The following CHN1 variants were observed in gnomAD, a reference collection of about 807,000 sequenced individuals.
CHN1 encodes the protein chimerin 1.
A neutral mutation model predicts 59.5 loss-of-function variants in CHN1; 37 were observed. The ratio of observed to expected loss-of-function variants is 0.62; its 90% CI spans 0.48 to 0.82. CHN1 has a LOEUF of 0.82. Ranked by LOEUF, CHN1 falls within the 40% of genes least tolerant of loss-of-function variation. The pLI, the probability that CHN1 is intolerant of heterozygous loss-of-function variation, is 0.00. For synonymous variants in CHN1, 206 were observed against 200.4 expected, an observed-to-expected ratio of 1.03 and a Z score of -0.24; for missense variants, 469 against 571.0, an observed-to-expected ratio of 0.82 and a Z score of 1.82.
chr2:174,820,479 C>G (rs1246545410), intron 8 of CHN1, among the ~76,000 whole-genome samples: 1 of 152,196 alleles, frequency 6.6e-6, no homozygotes, highest in Non-Finnish European at 1.5e-5. Flanking sequence ...CATAAATATT[C>G]TAGCCGGAGG....
chr2:174,880,075 C>G (rs535449387), intron 5 of CHN1, among the ~76,000 whole-genome samples: 1 of 152,216 alleles, frequency 6.6e-6, no homozygotes, highest in East Asian at 1.9e-4. Context: ...CCTATTTATC[C>G]TTTTCTCTTT....
intron 11 of CHN1, among the ~76,000 whole-genome samples, chr2:174,804,858 G>A (rs571250365): frequency 3.4e-4 from 52 of 152,282 alleles, no homozygotes; most frequent in Middle Eastern, 3.4e-3. Context: ...TCAGGTAGAG[G>A]ACATTTACAT....
chr2:174,889,939 A>G (rs1284704849), intron 5 of CHN1, among the ~76,000 whole-genome samples: 1 of 151,942 alleles, frequency 6.6e-6, no homozygotes, highest in Non-Finnish European at 1.5e-5. Flanking sequence ...AATACACAAA[A>G]GAAAATGAGA....
chr2:175,002,156 T>C (rs887220355), intron 1 of CHN1, among the ~76,000 whole-genome samples: 2 of 152,230 alleles, frequency 1.3e-5, no homozygotes, highest in African/African-American at 4.8e-5. Flanking sequence ...GTAATACATT[T>C]GGATAATTTT....
intron 3 of CHN1, among the ~76,000 whole-genome samples, chr2:174,934,984 T>C (rs968900215): frequency 2.0e-5 from 3 of 152,248 alleles, no homozygotes; most frequent in Non-Finnish European, 4.4e-5. Context: ...TCCTCTTCCC[T>C]GCAGCCAGTT....
At chr2:174,975,568 G>A (rs1224018088) in intron 1 of CHN1, among the ~76,000 whole-genome samples, 1 of 150,660 alleles carries the variant, frequency 6.6e-6, no homozygotes, top group Non-Finnish European at 1.5e-5. Flanking sequence ...TCTGTACCTG[G>A]AAGAGCAGTC....
intron 1 of CHN1, among the ~76,000 whole-genome samples, chr2:174,985,655 A>G (rs1691314335): frequency 6.6e-6 from 1 of 152,174 alleles, no homozygotes. Context: ...TATTCTACAG[A>G]TCCCAGTGTG....
At chr2:174,859,306 A>T (rs1028533560) in intron 6 of CHN1, among the ~76,000 whole-genome samples, 4 of 152,194 alleles carry the variant, frequency 2.6e-5, no homozygotes, top group Admixed American at 6.5e-5. Context: ...ATTCACCTTT[A>T]GGTTTAGCAT....
chr2:174,934,899 G>T (rs1390542314), intron 3 of CHN1, among the ~76,000 whole-genome samples: 1 of 152,244 alleles, frequency 6.6e-6, no homozygotes, highest in Non-Finnish European at 1.5e-5. Context: ...CCAGTGTCTT[G>T]TAGGTTCTTT....
intron 6 of CHN1, among the ~76,000 whole-genome samples, chr2:174,859,754 T>C (rs961389220): frequency 6.6e-6 from 1 of 152,144 alleles, no homozygotes; most frequent in Non-Finnish European, 1.5e-5. Context: ...TCTACTCTAC[T>C]GTGCTTGCCT....
At chr2:174,955,194 A>T (rs4516396) in intron 1 of CHN1, among the ~76,000 whole-genome samples, 1 of 145,696 alleles carries the variant, frequency 6.9e-6, no homozygotes, top group Non-Finnish European at 1.5e-5. Flanking sequence ...CTATATATAT[A>T]TATATAATTG....
At chr2:174,905,480 T>A (rs6726496) in intron 5 of CHN1, among the ~76,000 whole-genome samples, 3,369 of 152,306 alleles carry the variant, frequency 0.022, 121 homozygotes, top group African/African-American at 0.077. Flanking sequence ...AAATCCACTG[T>A]TATGTATGCA....
intron 5 of CHN1, among the ~76,000 whole-genome samples, chr2:174,880,933 C>T (rs567384814): frequency 6.6e-6 from 1 of 151,776 alleles, no homozygotes; most frequent in South Asian, 2.1e-4. Flanking sequence ...GTAATCCTAG[C>T]TACTCCGGAG....
intron 5 of CHN1, among the ~76,000 whole-genome samples, chr2:174,897,478 T>C (rs919611031): frequency 6.6e-6 from 1 of 150,920 alleles, no homozygotes; most frequent in East Asian, 1.9e-4. Context: ...TATTTTCAGA[T>C]AGGTCTTAGA....
At chr2:174,925,421 C>G (rs781201618) in intron 3 of CHN1, among the ~76,000 whole-genome samples, 12 of 152,326 alleles carry the variant, frequency 7.9e-5, no homozygotes, top group Admixed American at 7.8e-4. Flanking sequence ...TTTGAAAAGG[C>G]CCCGCAAAGC....
chr2:174,924,766 GA>G (rs1398974896), intron 3 of CHN1, among the ~76,000 whole-genome samples: 1 of 152,128 alleles, frequency 6.6e-6, no homozygotes, highest in African/African-American at 2.4e-5. Context: ...ATCAAATGAG[GA>G]ACTTCAAGTG....
chr2:174,963,635 G>A (rs1334654387), intron 1 of CHN1, among the ~76,000 whole-genome samples: 1 of 152,200 alleles, frequency 6.6e-6, no homozygotes, highest in Non-Finnish European at 1.5e-5. Context: ...TGAGTTGTCA[G>A]GAGCCATCCA....
intron 1 of CHN1, among the ~76,000 whole-genome samples, chr2:174,990,955 A>C (rs1296992457): frequency 6.6e-6 from 1 of 152,234 alleles, no homozygotes; most frequent in African/African-American, 2.4e-5. Context: ...TAGTAAAGTC[A>C]ATTTCATCAA....
intron 2 of CHN1, among the ~76,000 whole-genome samples, chr2:174,946,643 G>A (rs1386851372): frequency 6.6e-6 from 1 of 151,994 alleles, no homozygotes; most frequent in Non-Finnish European, 1.5e-5. Flanking sequence ...GGTAGAAAAG[G>A]GAAGAAAAAG....
Sources: gnomAD v4.1 joint callset for allele counts (sites outside exome capture counted in the v4.1 genomes callset) on GRCh38, gnomAD v4.1.1 for gene constraint, MANE v1.5 for transcripts, NCBI Gene and HGNC (gene_info 2026-07-23, HGNC 2026-07-21) for gene names.